ATP8A1: variants seen among roughly 807,000 people sequenced by gnomAD.
ATP8A1 encodes phospholipid-transporting ATPase IA.
A neutral mutation model predicts 177.7 loss-of-function variants in ATP8A1; 90 were observed. That is an observed-to-expected ratio of 0.51 (90% CI 0.43 to 0.60). The LOEUF is 0.60. Among genes scored for constraint, ATP8A1 ranks in the 20% least tolerant of loss-of-function variants. The probability of loss-of-function intolerance (pLI) is 0.00; values close to 1 mark genes in which losing one functional copy is unlikely to be tolerated. For synonymous variants in ATP8A1, 493 were observed against 485.9 expected (o/e 1.01, Z -0.19); for missense variants, 1,072 against 1,392.8 (o/e 0.77, Z 3.67).
At chr4:42,574,808 A>G (rs1732275590) in intron 13 of ATP8A1, 101 bp from the exon 14 acceptor site, 2 of 732,016 alleles carry the variant, frequency 2.7e-6, no homozygotes, top group Admixed American at 3.1e-5. Context: ...CAGGGGCACA[A>G]TGAATATTAC....
intron 4 of ATP8A1, among the ~76,000 whole-genome samples, chr4:42,618,153 C>A (rs1293153994): frequency 1.3e-5 from 2 of 152,062 alleles, no homozygotes; most frequent in Non-Finnish European, 2.9e-5. Context: ...CAATGCTGAC[C>A]ACTCCCTCCT....
rs116039763 is a variant in ATP8A1, at chr4:42,529,402, G to A, written c.1723-4555C>T. 1.3e-3 allele frequency among the ~76,000 whole-genome samples: 205 copies of A among 152,252 alleles called. 1 individual carries two copies. Among genetic ancestry groups the A allele is most frequent in the East Asian group, 4.6e-3 (24 of 5,178 alleles). On this transcript the variant is annotated intron_variant, in intron 20 of 36. Coordinates refer to ENST00000381668, the MANE Select transcript of ATP8A1 (RefSeq NM_006095.2). Reference sequence around the variant, plus strand: ...ATTTGACCATGGGTCATCAAGTCACGATGCGACCTGAACTGCGTATCATGA... The same window carrying A: ...ATTTGACCATGGGTCATCAAGTCACAATGCGACCTGAACTGCGTATCATGA...
chr4:42,543,354 C>A (rs1040586227), intron 20 of ATP8A1, among the ~76,000 whole-genome samples: 3 of 151,846 alleles, frequency 2.0e-5, no homozygotes, highest in Admixed American at 2.0e-4. Context: ...AAAAAAGGGC[C>A]CTGGTCAGAT....
At chr4:42,581,126 A>G (rs1169278018) in intron 10 of ATP8A1, among the ~76,000 whole-genome samples, 1 of 151,872 alleles carries the variant, frequency 6.6e-6, no homozygotes, top group Non-Finnish European at 1.5e-5. Flanking sequence ...GTGTGCAGTT[A>G]GCCATTCTTT....
At chr4:42,462,385 C>A (rs1295153591) in intron 27 of ATP8A1, among the ~76,000 whole-genome samples, 1 of 152,218 alleles carries the variant, frequency 6.6e-6, no homozygotes, top group African/African-American at 2.4e-5. Flanking sequence ...GCTCTGCATC[C>A]CAGTTGCTCC....
At chr4:42,602,399 A>G (rs1449139352) in intron 5 of ATP8A1, among the ~76,000 whole-genome samples, 2 of 152,214 alleles carry the variant, frequency 1.3e-5, no homozygotes, top group Non-Finnish European at 2.9e-5. Flanking sequence ...CCTCCGGTAG[A>G]AAAGCAAGAG....
intron 4 of ATP8A1, among the ~76,000 whole-genome samples, chr4:42,617,056 G>T (rs1414446333): frequency 1.3e-5 from 2 of 152,182 alleles, no homozygotes; most frequent in African/African-American, 4.8e-5. Flanking sequence ...ATATGGGTTG[G>T]AACAAATGTA....
At chr4:42,476,480 G>A (rs781181300) in intron 25 of ATP8A1, among the ~76,000 whole-genome samples, 5 of 151,930 alleles carry the variant, frequency 3.3e-5, no homozygotes, top group African/African-American at 4.8e-5. Flanking sequence ...TTAGCCATGC[G>A]TGGTGGTGGA....
At chr4:42,598,374 G>A (rs916942751) in intron 6 of ATP8A1, among the ~76,000 whole-genome samples, 21 of 152,088 alleles carry the variant, frequency 1.4e-4, no homozygotes, top group Non-Finnish European at 4.4e-5. Context: ...ACTTAAATCT[G>A]CTCCATGTTA....
At chr4:42,548,806 G>A (rs951859742) in intron 19 of ATP8A1, among the ~76,000 whole-genome samples, 1 of 152,038 alleles carries the variant, frequency 6.6e-6, no homozygotes. Context: ...CAGTAGTCAC[G>A]CATTGCAATA....
At chr4:42,578,411 G>A (rs41265697) in intron 11 of ATP8A1, 24 bp from the exon 12 acceptor site, 48,449 of 1,602,236 alleles carry the variant, frequency 0.03, 896 homozygotes, top group South Asian at 0.061. Flanking sequence ...CAGGAAGAAC[G>A]TCATTTACAG....
chr4:42,638,825 T>C (rs1006246808), intron 1 of ATP8A1, among the ~76,000 whole-genome samples: 3 of 152,026 alleles, frequency 2.0e-5, no homozygotes, highest in African/African-American at 7.2e-5. Flanking sequence ...AAGTCTCAAT[T>C]AGCTTAAAGC....
At chr4:42,413,891 C>G (rs1487002946) in intron 36 of ATP8A1, among the ~76,000 whole-genome samples, 1 of 152,206 alleles carries the variant, frequency 6.6e-6, no homozygotes, top group Non-Finnish European at 1.5e-5. Context: ...AATAGCTGCT[C>G]ATGGTGGCAA....
At position 42,448,401 on chromosome 4, in the gene ATP8A1, C is replaced by CTTTTTTTTTTTTTTTTTTT. The variant is rs1226963744; in HGVS notation, c.2897-1758_2897-1757insAAAAAAAAAAAAAAAAAAA. Among the ~76,000 whole-genome samples the CTTTTTTTTTTTTTTTTTTT allele has an allele frequency of 9.0e-4, 90 of 99,506 alleles. 1 individual carries two copies. The highest frequency in any genetic ancestry group is 1.5e-3 in the South Asian group (4 of 2,584). The allele number at this position is 99,506 out of a possible 152,430, so 65.3% of individuals were successfully genotyped here. ...CTCCCTCCCTCCTTCTCTTTCTTTT[C>CTTTTTTTTTTTTTTTTTTT]TTTTTTTTTTTTTTGAGATGGAGTC... On this transcript the variant is annotated intron_variant, in intron 30 of 36. Transcript: ENST00000381668.
chr4:42,535,913 T>A (rs1727775625), intron 20 of ATP8A1, among the ~76,000 whole-genome samples: 1 of 152,146 alleles, frequency 6.6e-6, no homozygotes, highest in African/African-American at 2.4e-5. Context: ...TGACTTGAAC[T>A]GAATAATAGT....
intron 16 of ATP8A1, 59 bp downstream of exon 16, chr4:42,555,909 G>C (rs1730183050): frequency 3.5e-6 from 4 of 1,147,698 alleles, no homozygotes; most frequent in Non-Finnish European, 5.1e-6. Flanking sequence ...AGATAGTTCA[G>C]AGAAACATTC....
At chr4:42,493,800 T>C (rs1722968241) in intron 24 of ATP8A1, among the ~76,000 whole-genome samples, 1 of 152,192 alleles carries the variant, frequency 6.6e-6, no homozygotes, top group African/African-American at 2.4e-5. Context: ...TAAGATGTGC[T>C]AACTCCTTTA....
intron 32 of ATP8A1, among the ~76,000 whole-genome samples, chr4:42,444,255 C>A (rs1015011654): frequency 2.0e-5 from 3 of 152,086 alleles, no homozygotes; most frequent in East Asian, 1.9e-4. Flanking sequence ...AACACCAGTC[C>A]AGTGACACCT....
intron 22 of ATP8A1, among the ~76,000 whole-genome samples, chr4:42,520,114 G>A (rs1390012007): frequency 6.6e-6 from 1 of 152,108 alleles, no homozygotes; most frequent in African/African-American, 2.4e-5. Flanking sequence ...GTTAAACCTA[G>A]AAAATCTAAT....
Sources: gnomAD v4.1 joint callset for allele counts (sites outside exome capture counted in the v4.1 genomes callset) on GRCh38, gnomAD v4.1.1 for gene constraint, MANE v1.5 for transcripts, NCBI Gene and HGNC (gene_info 2026-07-23, HGNC 2026-07-21) for gene names.